The following TTC34 variants were observed in gnomAD, a reference collection of about 807,000 sequenced individuals.
TTC34 encodes the protein tetratricopeptide repeat domain 34, also known as tetratricopeptide repeat protein 34.
In TTC34, 44 loss-of-function variants were observed where a neutral mutation model predicts 40.7. The observed-to-expected ratio is 1.08, with a 90% CI of 0.85 to 1.39. The LOEUF (loss-of-function observed/expected upper bound fraction) is 1.39. Ranked by LOEUF, TTC34 falls within the 40% of genes most tolerant of loss-of-function variation. The pLI, the probability that TTC34 is intolerant of heterozygous loss-of-function variation, is 0.00. For missense variants in TTC34, 884 were observed against 838.0 expected (o/e 1.05, Z -0.68); for synonymous variants, 422 against 398.6 (o/e 1.06, Z -0.70).
intron 8 of TTC34, among the ~76,000 whole-genome samples, chr1:2,643,081 A>G (rs1038932098): frequency 6.6e-6 from 1 of 152,082 alleles, no homozygotes; most frequent in South Asian, 2.1e-4. Flanking sequence ...GGTCCATGGC[A>G]GCAGGAGGGC....
chr1:2,773,011 C>A, intron 6 of TTC34, among the ~76,000 whole-genome samples: 1 of 151,674 alleles, frequency 6.6e-6, no homozygotes, highest in African/African-American at 2.4e-5. Context: ...TGGAGCAGCA[C>A]CCACACCCCC....
chr1:2,688,887 C>T lies in TTC34; in HGVS notation c.2227-43324G>A, dbSNP rs868575321. ...CGCACGTGACAGCGTGGAACAGCACCCACACACCCAGGTGAGCATCTGACA... is the reference window on the plus strand; with the variant it reads ...CGCACGTGACAGCGTGGAACAGCACTCACACACCCAGGTGAGCATCTGACA... On this transcript the variant is annotated intron_variant, in intron 6 of 8. Coordinates refer to ENST00000401095, the Ensembl canonical transcript of TTC34. 4.6e-3 allele frequency among the ~76,000 whole-genome samples: 356 copies of T among 76,904 alleles called. 1 individual carries two copies. Among genetic ancestry groups the T allele is most frequent in the Non-Finnish European group, 7.1e-3 (278 of 39,004 alleles). The allele number at this position is 76,904 out of a possible 152,430, so 50.5% of individuals were successfully genotyped here.
In TTC34 at chr1:2,801,149, C is replaced by G. The variant is rs569999017; in HGVS notation, c.-41-281G>C. Among the ~76,000 whole-genome samples the G allele has an allele frequency of 4.6e-4, 70 of 152,298 alleles. 3 individuals carry two copies. Among genetic ancestry groups the G allele is most frequent in the Admixed American group, 4.4e-3 (68 of 15,306 alleles). ...CCAGCTCAGTTCCCTCTAAGAACAT[C>G]TGACCCCTGAGTGTCCATGTCGGGA... On this transcript the variant is annotated intron_variant, in intron 1 of 8. Transcript: ENST00000401095.
Position 2,785,880 on chromosome 1 carries a change from G to A in TTC34, c.1998C>T (p.Ala666=), listed in dbSNP as rs1026385738. 11 of 1,538,992 alleles carry A rather than the reference G, an allele frequency of 7.1e-6. No homozygotes were observed. The Admixed American group carries it at 1.2e-4, about 17-fold the overall frequency. ...CCTCCTTGGTGTGAACCCTGCCGTC[G>A]GCCCCGCCTGGCCGTGCCCGCAGGA... The change falls in exon 5 of 9, where the codon GCC becomes GCT. Residue 666 remains alanine (A), a synonymous_variant. Transcript: ENST00000401095.
exon 9 of TTC34, chr1:2,639,154 C>T (rs755646210): frequency 4.6e-5 from 7 of 152,226 alleles, no homozygotes; most frequent in Non-Finnish European, 8.8e-5. Flanking sequence ...GGGTTAGGAT[C>T]GCAACACATA....
At chr1:2,777,406 G>A (rs1279769005) in intron 6 of TTC34, among the ~76,000 whole-genome samples, 1 of 151,628 alleles carries the variant, frequency 6.6e-6, no homozygotes, top group African/African-American at 2.4e-5. Context: ...GCCTGGAACA[G>A]CACTCCACAC....
At chr1:2,797,365 A>C (rs943313367) in intron 2 of TTC34, among the ~76,000 whole-genome samples, 4 of 152,196 alleles carry the variant, frequency 2.6e-5, no homozygotes, top group Non-Finnish European at 5.9e-5. Flanking sequence ...CACTCACGCC[A>C]GGGAGGTCCT....
rs1643760921 is a variant in TTC34, at chr1:2,800,565, G to T, written c.263C>A (p.Ser88Ter). 2.5e-6 allele frequency: 1 copy of T among 398,226 alleles called. No individual in the cohort carries two copies. The highest frequency in any genetic ancestry group is 4.4e-6 in the Non-Finnish European group (1 of 225,884). The allele number at this position is 398,226 out of a possible 1,614,324, so 24.7% of individuals were successfully genotyped here. A position where few individuals can be genotyped will look rare whatever the true frequency, so the allele number is the denominator to read the frequency against. The change falls in exon 2 of 9, where the codon TCG becomes TAG. Residue 88 changes from serine (S) to a stop codon, truncating the protein, a stop_gained. Coordinates refer to ENST00000401095, the Ensembl canonical transcript of TTC34. LOFTEE classifies it high-confidence loss of function. ...GGCGCCGAGGAAGGCAGAGGCCAGC[G>T]ACCCTGTCAGGGAGACCACTGCCAT... is the stretch of plus-strand genomic sequence containing the variant.
intron 2 of TTC34, among the ~76,000 whole-genome samples, chr1:2,793,362 G>C (rs1274088924): frequency 6.6e-6 from 1 of 152,058 alleles, no homozygotes. Flanking sequence ...ATATGTAGGA[G>C]TTCTTCAAAT....
rs532646217 is a variant in TTC34, at chr1:2,698,561, C to A, written c.2227-52998G>T. ...GAGCATCGGGCAGCCTGGAGCAGCA[C>A]CCACACCCCCAGATGAGCATCTGAC... On this transcript the variant is annotated intron_variant, in intron 6 of 8. Transcript: ENST00000401095. Among the ~76,000 whole-genome samples the A allele has an allele frequency of 6.9e-5, 8 of 115,474 alleles. No homozygotes were observed. The East Asian group carries it at 1.9e-3, about 27-fold the overall frequency. The allele number at this position is 115,474 out of a possible 152,430, so 75.8% of individuals were successfully genotyped here.
chr1:2,790,122 G>C (rs1235380577), exon 3 of TTC34: 2 of 398,246 alleles, frequency 5.0e-6, no homozygotes, highest in Non-Finnish European at 8.9e-6. Flanking sequence ...GGGTGGTTCC[G>C]CACGGCTTCC....
In TTC34 at chr1:2,787,935, G is replaced by A. The variant is rs1005339646; in HGVS notation, c.1629-229C>T. On this transcript the variant is annotated intron_variant, in intron 3 of 8. Coordinates refer to ENST00000401095, the Ensembl canonical transcript of TTC34. Reference sequence around the variant, plus strand: ...ACCCTGTGGGAGGTGGGATTGTGGCGGTATAGACAGGCAGAGGCAGGGCTG... The same window carrying A: ...ACCCTGTGGGAGGTGGGATTGTGGCAGTATAGACAGGCAGAGGCAGGGCTG... Among the ~76,000 whole-genome samples the A allele has an allele frequency of 1.2e-4, 19 of 152,328 alleles. No individual in the cohort carries two copies. In the South Asian group the frequency reaches 2.5e-3, roughly 20 times the overall value.
At chr1:2,652,426 C>T (rs1639174191) in intron 6 of TTC34, among the ~76,000 whole-genome samples, 27 of 151,644 alleles carry the variant, frequency 1.8e-4, no homozygotes, top group South Asian at 2.1e-4. Context: ...CATCTGACAG[C>T]CTGGAACAGC....
At chr1:2,686,311 G>A (rs1366286998) in intron 6 of TTC34, among the ~76,000 whole-genome samples, 3 of 151,418 alleles carry the variant, frequency 2.0e-5, no homozygotes, top group African/African-American at 4.9e-5. Flanking sequence ...GCACGGAGCA[G>A]CACCCACACC....
intron 2 of TTC34, among the ~76,000 whole-genome samples, chr1:2,792,689 G>A (rs1322148520): frequency 6.6e-6 from 1 of 152,216 alleles, no homozygotes; most frequent in African/African-American, 2.4e-5. Context: ...CTGTAGGCTG[G>A]AGATTTAAGT....
At chr1:2,789,660 C>A (rs1014657424) in exon 3 of TTC34, 10 of 1,317,106 alleles carry the variant, frequency 7.6e-6, no homozygotes, top group Non-Finnish European at 7.8e-6. Flanking sequence ...TAGGCCTTGG[C>A]GGCCAGCAGC....
At chr1:2,778,697 G>A (rs1643408747) in intron 6 of TTC34, among the ~76,000 whole-genome samples, 1 of 152,186 alleles carries the variant, frequency 6.6e-6, no homozygotes, top group Non-Finnish European at 1.5e-5. Flanking sequence ...ATCCCCAGGA[G>A]GGGCAGCACC....
intron 6 of TTC34, among the ~76,000 whole-genome samples, chr1:2,683,861 G>A (rs1394313236): frequency 1.5e-4 from 22 of 149,188 alleles, no homozygotes; most frequent in Admixed American, 1.1e-3. Context: ...ACAGCCTGGA[G>A]CAGAACCCAC....
At chr1:2,774,712 G>A (rs1642908449) in intron 6 of TTC34, 2 of 101,576 alleles carry the variant, frequency 2.0e-5, no homozygotes, top group Admixed American at 1.2e-4. Context: ...ACCCCCAGGT[G>A]AGCATCTGAC....
Sources: gnomAD v4.1 joint callset for allele counts (sites outside exome capture counted in the v4.1 genomes callset) on GRCh38, gnomAD v4.1.1 for gene constraint, MANE v1.5 for transcripts, NCBI Gene and HGNC (gene_info 2026-07-23, HGNC 2026-07-21) for gene names.